The following RNF180 variants were observed in gnomAD, a reference collection of about 807,000 sequenced individuals.
The protein encoded by RNF180 is E3 ubiquitin-protein ligase RNF180.
RNF180 carries 38 observed loss-of-function variants against 59.2 expected under a neutral mutation model. The ratio of observed to expected loss-of-function variants is 0.64; its 90% CI spans 0.50 to 0.84. The LOEUF (loss-of-function observed/expected upper bound fraction) is 0.84, where lower values mean the gene tolerates loss of function less well. Among genes scored for constraint, RNF180 ranks in the 40% least tolerant of loss-of-function variants. The probability of loss-of-function intolerance (pLI) is 0.00; values close to 1 mark genes in which losing one functional copy is unlikely to be tolerated. For synonymous variants in RNF180, 262 were observed against 240.3 expected, an observed-to-expected ratio of 1.09 and a Z score of -0.84; for missense variants, 705 against 700.9, an observed-to-expected ratio of 1.01 and a Z score of -0.07.
intron 1 of RNF180, among the ~76,000 whole-genome samples, chr5:64,167,306 T>C (rs1478580876): frequency 1.3e-5 from 2 of 152,210 alleles, no homozygotes; most frequent in African/African-American, 4.8e-5. Context: ...CGTAATTGTG[T>C]ACGTGTTATG....
intron 5 of RNF180, among the ~76,000 whole-genome samples, chr5:64,298,039 C>T (rs1233714619): frequency 6.6e-6 from 1 of 151,918 alleles, no homozygotes. Context: ...TTTTCCTGAT[C>T]TTCTCCCTCC....
chr5:64,262,081 A>C (rs1438825130), intron 5 of RNF180, among the ~76,000 whole-genome samples: 1 of 152,074 alleles, frequency 6.6e-6, no homozygotes, highest in African/African-American at 2.4e-5. Context: ...AATTTTTTGC[A>C]TTTAGATGAC....
At chr5:64,176,169 G>A (rs1178193721) in intron 1 of RNF180, among the ~76,000 whole-genome samples, 1 of 152,064 alleles carries the variant, frequency 6.6e-6, no homozygotes, top group East Asian at 1.9e-4. Flanking sequence ...TGGTCTTAAT[G>A]TAAAGGTTTT....
chr5:64,192,972 A>G (rs1039642844), intron 1 of RNF180, among the ~76,000 whole-genome samples: 7 of 145,078 alleles, frequency 4.8e-5, no homozygotes, highest in South Asian at 2.2e-4. Context: ...AAAGAAGGCA[A>G]TCCTACCATT....
At chr5:64,174,653 GATT>G (rs1229189368) in intron 1 of RNF180, among the ~76,000 whole-genome samples, 7 of 151,940 alleles carry the variant, frequency 4.6e-5, no homozygotes, top group Non-Finnish European at 2.9e-5. Flanking sequence ...TTTTTGATCA[GATT>G]ATTATTATTT....
chr5:64,351,265 G>C (rs1303136523), intron 7 of RNF180, among the ~76,000 whole-genome samples: 2 of 152,038 alleles, frequency 1.3e-5, no homozygotes, highest in Admixed American at 1.3e-4. Context: ...TGTATCCTGA[G>C]ACTGCTGAAG....
intron 1 of RNF180, among the ~76,000 whole-genome samples, chr5:64,173,045 A>G (rs1216592134): frequency 6.6e-6 from 1 of 152,224 alleles, no homozygotes; most frequent in African/African-American, 2.4e-5. Context: ...ACAAATTGCC[A>G]TCCTTGCCTG....
At chr5:64,315,626 C>T (rs1253758874) in intron 5 of RNF180, among the ~76,000 whole-genome samples, 1 of 146,772 alleles carries the variant, frequency 6.8e-6, no homozygotes, top group Non-Finnish European at 1.5e-5. Flanking sequence ...TGCCTGTAAT[C>T]CCAGCTATTT....
Position 64,256,384 on chromosome 5 carries a change from G to A in RNF180, c.1227+38988G>A, listed in dbSNP as rs553987570. On this transcript the variant is annotated intron_variant, in intron 5 of 7. Coordinates refer to ENST00000389100, the MANE Select transcript of RNF180 (RefSeq NM_001113561.2). ...TCTTGAATGAATTTTTGTATAAGGT[G>A]TAAGGAAGGGAATCCAGTTTCAGCT... 3.2e-3 allele frequency among the ~76,000 whole-genome samples: 493 copies of A among 152,250 alleles called. 1 individual carries two copies. The highest frequency in any genetic ancestry group is 0.012 in the African/African-American group (483 of 41,548).
intron 1 of RNF180, among the ~76,000 whole-genome samples, chr5:64,187,963 G>C (rs762598231): frequency 6.6e-6 from 1 of 152,164 alleles, no homozygotes; most frequent in Non-Finnish European, 1.5e-5. Flanking sequence ...ATCATTGACT[G>C]TAGTGTTGCT....
In RNF180 at chr5:64,325,106, A is replaced by T. The variant is rs1744567699; in HGVS notation, c.1228-80A>T. 1.6e-5 allele frequency: 14 copies of T among 876,430 alleles called. No homozygotes were observed. In the South Asian group the frequency reaches 2.0e-4, roughly 13 times the overall value. 54.3% of individuals were successfully genotyped at this position (876,430 alleles called of 1,614,324 possible). A position where few individuals can be genotyped will look rare whatever the true frequency, so the allele number is the denominator to read the frequency against. Reference sequence around the variant, plus strand: ...ATATGCTTCTCAAATATTTTTGTTCATTTTAACAAAATATAAAGGCTATCT... The same window carrying T: ...ATATGCTTCTCAAATATTTTTGTTCTTTTTAACAAAATATAAAGGCTATCT... On this transcript the variant is annotated intron_variant, in intron 5 of 7. Coordinates refer to ENST00000389100, the MANE Select transcript of RNF180 (RefSeq NM_001113561.2).
chr5:64,170,796 G>C (rs907789650), intron 1 of RNF180, among the ~76,000 whole-genome samples: 1 of 152,258 alleles, frequency 6.6e-6, no homozygotes, highest in African/African-American at 2.4e-5. Flanking sequence ...CAACACCTTT[G>C]AGTTTAGCTG....
At chr5:64,167,410 C>G (rs968485529) in intron 1 of RNF180, among the ~76,000 whole-genome samples, 15 of 151,980 alleles carry the variant, frequency 9.9e-5, no homozygotes, top group Admixed American at 4.6e-4. Context: ...CCCCATTTTT[C>G]TTCCTCTCTT....
At chr5:64,220,119 T>A (rs183068867) in intron 5 of RNF180, among the ~76,000 whole-genome samples, 109 of 152,264 alleles carry the variant, frequency 7.2e-4, no homozygotes, top group African/African-American at 2.6e-3. Context: ...TCTCCTTTTT[T>A]TAGTCTTGCT....
At chr5:64,339,527 C>G (rs966706586) in intron 7 of RNF180, among the ~76,000 whole-genome samples, 1 of 152,166 alleles carries the variant, frequency 6.6e-6, no homozygotes, top group Non-Finnish European at 1.5e-5. Context: ...TTATACCACA[C>G]TATTTCATAT....
chr5:64,239,782 C>G (rs992600647), intron 5 of RNF180, among the ~76,000 whole-genome samples: 1 of 152,134 alleles, frequency 6.6e-6, no homozygotes, highest in Non-Finnish European at 1.5e-5. Context: ...TTACCTTCAT[C>G]TGAAAATGGT....
At chr5:64,255,640 A>T (rs1321456671) in intron 5 of RNF180, among the ~76,000 whole-genome samples, 1 of 152,208 alleles carries the variant, frequency 6.6e-6, no homozygotes, top group Non-Finnish European at 1.5e-5. Flanking sequence ...TGCTATTGTG[A>T]ATAGTGCCAC....
chr5:64,201,373 A>G (rs971144850), intron 2 of RNF180, among the ~76,000 whole-genome samples: 12 of 152,314 alleles, frequency 7.9e-5, no homozygotes, highest in Admixed American at 5.2e-4. Flanking sequence ...ATGTGTTAAT[A>G]TAAAAGTAAC....
At chr5:64,295,615 A>G (rs1742847292) in intron 5 of RNF180, among the ~76,000 whole-genome samples, 1 of 151,794 alleles carries the variant, frequency 6.6e-6, no homozygotes. Flanking sequence ...TTTTTTACCC[A>G]CCCCTGTGCT....
Sources: gnomAD v4.1 joint callset for allele counts (sites outside exome capture counted in the v4.1 genomes callset) on GRCh38, gnomAD v4.1.1 for gene constraint, MANE v1.5 for transcripts, NCBI Gene and HGNC (gene_info 2026-07-23, HGNC 2026-07-21) for gene names.